The following DAB1 variants were observed in gnomAD, a reference collection of about 807,000 sequenced individuals.
The protein encoded by DAB1 is DAB adaptor protein 1.
Under a neutral mutation model 64.6 loss-of-function variants are expected in DAB1, and 15 were observed. The observed-to-expected ratio is 0.23, with a 90% CI of 0.16 to 0.36. DAB1 has a LOEUF of 0.36. Ranked by LOEUF, DAB1 falls within the 10% of genes least tolerant of loss-of-function variation. The pLI, the probability that DAB1 is intolerant of heterozygous loss-of-function variation, is 1.00. For synonymous variants in DAB1, 235 were observed against 251.9 expected, an observed-to-expected ratio of 0.93 and a Z score of 0.64; for missense variants, 596 against 706.7, an observed-to-expected ratio of 0.84 and a Z score of 1.78.
At chr1:57,057,058 A>G (rs1462207971) in intron 9 of DAB1, among the ~76,000 whole-genome samples, 1 of 152,142 alleles carries the variant, frequency 6.6e-6, no homozygotes, top group Non-Finnish European at 1.5e-5. Context: ...GGGGTTCCTG[A>G]GGATCTGAGA....
At position 57,757,700 on chromosome 1, in the gene DAB1, C is replaced by T. The variant is rs147508612; in HGVS notation, n.552-108035G>A. 1.4e-3 allele frequency among the ~76,000 whole-genome samples: 209 copies of T among 152,228 alleles called. 2 individuals carry two copies. Among genetic ancestry groups the T allele is most frequent in the African/African-American group, 4.4e-3 (183 of 41,560 alleles). On this transcript the variant is annotated intron_variant and non_coding_transcript_variant, in intron 6 of 20. Transcript: ENST00000485760. ...ATTACTTCTGTGAAGACTTCATTTCCAAATAAGTTCACATTCTGAGGTACT... is the reference window on the plus strand; with the variant it reads ...ATTACTTCTGTGAAGACTTCATTTCTAAATAAGTTCACATTCTGAGGTACT...
chr1:58,374,580 T>C (rs1204173845), intron 3 of DAB1, among the ~76,000 whole-genome samples: 2 of 145,034 alleles, frequency 1.4e-5, no homozygotes, highest in Admixed American at 6.9e-5. Context: ...TTGGTTACTG[T>C]AGCCTTGTAG....
chr1:58,035,063 A>G lies in DAB1; in HGVS notation n.387+115448T>C, dbSNP rs111867254. ...GCACTCTTGGGAGTTCTGAGACACC[A>G]TGTTAAGAATTCTGATCACCTGCTG... On this transcript the variant is annotated intron_variant and non_coding_transcript_variant, in intron 5 of 20. Coordinates refer to the DAB1 transcript ENST00000485760. Among the ~76,000 whole-genome samples the G allele has an allele frequency of 2.6e-3, 392 of 152,308 alleles. 6 individuals are homozygous for G. In the East Asian group the frequency reaches 0.047, roughly 18 times the overall value.
At chr1:57,183,155 AG>A (rs1338790048) in intron 2 of DAB1, among the ~76,000 whole-genome samples, 3 of 152,076 alleles carry the variant, frequency 2.0e-5, no homozygotes, top group African/African-American at 7.2e-5. Context: ...AGAGGGAGTG[AG>A]GGGCCTGATT....
intron 7 of DAB1, among the ~76,000 whole-genome samples, chr1:57,464,523 T>C (rs1401587933): frequency 6.6e-6 from 1 of 152,206 alleles, no homozygotes; most frequent in East Asian, 1.9e-4. Flanking sequence ...AGGCATAATC[T>C]TCATGAGGCA....
chr1:57,533,026 A>G (rs907948961), intron 7 of DAB1, among the ~76,000 whole-genome samples: 7 of 152,164 alleles, frequency 4.6e-5, no homozygotes, highest in Non-Finnish European at 1.0e-4. Context: ...CACACAGTTC[A>G]TGAGGGACAC....
chr1:57,223,126 C>T (rs759687572), intron 2 of DAB1, among the ~76,000 whole-genome samples: 8 of 152,106 alleles, frequency 5.3e-5, no homozygotes, highest in East Asian at 1.9e-4. Context: ...TTCCTTTTGC[C>T]GCCAAAATGC....
At chr1:57,265,400 T>C (rs953696721) in intron 2 of DAB1, among the ~76,000 whole-genome samples, 7 of 152,182 alleles carry the variant, frequency 4.6e-5, no homozygotes, top group African/African-American at 1.4e-4. Flanking sequence ...TGCGTCTGTA[T>C]CTGACATTTT....
chr1:57,505,389 T>C (rs945634333), intron 7 of DAB1, among the ~76,000 whole-genome samples: 9 of 152,128 alleles, frequency 5.9e-5, no homozygotes, highest in Non-Finnish European at 1.3e-4. Flanking sequence ...TTAATAAAGC[T>C]CAGAACCAGG....
At chr1:58,363,779 T>G (rs1031022966) in intron 3 of DAB1, among the ~76,000 whole-genome samples, 5 of 152,224 alleles carry the variant, frequency 3.3e-5, no homozygotes, top group Non-Finnish European at 5.9e-5. Context: ...TGTCTCAGAC[T>G]GTAAGTTGAG....
At chr1:57,313,218 G>C (rs937388206) in intron 1 of DAB1, among the ~76,000 whole-genome samples, 9 of 152,108 alleles carry the variant, frequency 5.9e-5, no homozygotes, top group Admixed American at 5.2e-4. Flanking sequence ...AAATAGCACA[G>C]GTTTGAGTCT....
intron 3 of DAB1, among the ~76,000 whole-genome samples, chr1:58,454,826 C>T (rs1196473734): frequency 2.0e-5 from 3 of 152,158 alleles, no homozygotes; most frequent in South Asian, 2.1e-4. Flanking sequence ...AAAGAAAATA[C>T]GTGGTCACAC....
At chr1:57,136,322 C>A (rs991789165) in intron 4 of DAB1, among the ~76,000 whole-genome samples, 2 of 152,168 alleles carry the variant, frequency 1.3e-5, no homozygotes, top group Admixed American at 6.6e-5. Flanking sequence ...GATAGTGTGA[C>A]ACTTTTATCA....
At chr1:57,368,445 G>A (rs536041874) in intron 1 of DAB1, among the ~76,000 whole-genome samples, 52 of 152,238 alleles carry the variant, frequency 3.4e-4, no homozygotes, top group African/African-American at 1.2e-3. Flanking sequence ...GGACCAATTG[G>A]CACCCACTTC....
intron 1 of DAB1, among the ~76,000 whole-genome samples, chr1:57,879,549 G>C (rs1481417849): frequency 6.6e-6 from 1 of 152,168 alleles, no homozygotes; most frequent in Non-Finnish European, 1.5e-5. Flanking sequence ...GGCACTTTGT[G>C]TATCTAGCCA....
chr1:57,362,312 C>T (rs1679618164), intron 1 of DAB1, among the ~76,000 whole-genome samples: 1 of 150,442 alleles, frequency 6.6e-6, no homozygotes, highest in East Asian at 1.9e-4. Flanking sequence ...ACAACATGTG[C>T]TCAAAAAACG....
chr1:57,442,066 T>C (rs1685980146), intron 7 of DAB1, among the ~76,000 whole-genome samples: 2 of 152,204 alleles, frequency 1.3e-5, no homozygotes, highest in Non-Finnish European at 1.5e-5. Flanking sequence ...ATTTGTTGTA[T>C]AGGCTCATTT....
chr1:57,010,601 T>A, intron 14 of DAB1, 79 bp downstream of exon 14: 1 of 689,618 alleles, frequency 1.5e-6, no homozygotes, highest in Admixed American at 2.8e-5. Context: ...ATTGAGGATG[T>A]GGCTTCAGAA....
At chr1:57,100,496 G>A (rs937471888) in intron 4 of DAB1, among the ~76,000 whole-genome samples, 2 of 152,134 alleles carry the variant, frequency 1.3e-5, no homozygotes, top group African/African-American at 2.4e-5. Context: ...AATGATAATC[G>A]ATGAGGAATG....
Sources: gnomAD v4.1 joint callset for allele counts (sites outside exome capture counted in the v4.1 genomes callset) on GRCh38, gnomAD v4.1.1 for gene constraint, MANE v1.5 for transcripts, NCBI Gene and HGNC (gene_info 2026-07-23, HGNC 2026-07-21) for gene names.